Variants in TDRD9 observed in about 807,000 individuals in gnomAD.
TDRD9 encodes ATP-dependent RNA helicase TDRD9.
Under a neutral mutation model 172.6 loss-of-function variants are expected in TDRD9, and 124 were observed. That is an observed-to-expected ratio of 0.72 (90% CI 0.62 to 0.83). The LOEUF is 0.83. Among genes scored for constraint, TDRD9 ranks in the 40% least tolerant of loss-of-function variants. TDRD9 has a pLI of 0.00. For missense variants in TDRD9, 1,479 were observed against 1,714.1 expected (o/e 0.86, Z 2.42); for synonymous variants, 619 against 617.1 (o/e 1.00, Z -0.05).
intron 2 of TDRD9, among the ~76,000 whole-genome samples, chr14:103,957,906 A>G (rs1330031360): frequency 6.6e-6 from 1 of 152,214 alleles, no homozygotes; most frequent in African/African-American, 2.4e-5. Context: ...TTTTAAGTTC[A>G]TATGTGAAAC....
Position 104,024,658 on chromosome 14 carries a change from T to C in TDRD9, c.2696T>C (p.Leu899Pro). Residue 899 changes from leucine to proline, a missense_variant, in exon 25 of 36, where the codon CTT becomes CCT. Leu to Pro is a moderately conservative substitution (Grantham distance 98, BLOSUM62 -3). Around this residue, in one of 3 missense-constraint regions of TDRD9, gnomAD observed 1,413 missense variants for 1,649.1 expected, o/e 0.86. Coordinates refer to ENST00000409874, the MANE Select transcript of TDRD9 (RefSeq NM_153046.3). ...AGGTCCCAGACAGTTACAGATCTCC[T>C]TCTAACTATTGATGTCACAGAGGTA... Reference protein sequence around the residue: ...SDRSQTVTDLLLTIDVTEVVE... With the variant: ...SDRSQTVTDLPLTIDVTEVVE... 6.2e-7 allele frequency: 1 copy of C among 1,605,662 alleles called. No individual in the cohort carries two copies. The highest frequency in any genetic ancestry group is 8.5e-7 in the Non-Finnish European group (1 of 1,172,994).
chr14:103,990,707 T>C (rs552153708), intron 8 of TDRD9, among the ~76,000 whole-genome samples: 8 of 152,364 alleles, frequency 5.3e-5, no homozygotes, highest in Non-Finnish European at 8.8e-5. Flanking sequence ...CACAGGTTCA[T>C]GGAAGAATGA....
At chr14:104,005,781 T>C (rs2034418745) in intron 15 of TDRD9, among the ~76,000 whole-genome samples, 1 of 152,178 alleles carries the variant, frequency 6.6e-6, no homozygotes, top group African/African-American at 2.4e-5. Flanking sequence ...ACCTTCGAAG[T>C]TGAGGATGCT....
intron 9 of TDRD9, among the ~76,000 whole-genome samples, chr14:103,993,584 C>A (rs2033952339): frequency 6.6e-6 from 1 of 152,190 alleles, no homozygotes; most frequent in Non-Finnish European, 1.5e-5. Flanking sequence ...GAGCCTCTTC[C>A]TCTTTCCAGC....
At chr14:104,007,247 A>C (rs755018915) in intron 19 of TDRD9, 43 bp downstream of exon 19, 20 of 1,589,846 alleles carry the variant, frequency 1.3e-5, no homozygotes, top group Non-Finnish European at 1.6e-5. Flanking sequence ...GGCTGGGAGT[A>C]ATGAGAGAAG....
rs2032772780 is a variant in TDRD9, at chr14:103,966,851, T to C, written c.765+20T>C. On this transcript the variant is annotated intron_variant, in intron 5 of 35. Transcript: ENST00000409874. ...GATGAAGTAAGTGATGTCATCTACT[T>C]GTAAAGGTCATATTTATCTCTCTTA... is the stretch of plus-strand genomic sequence containing the variant. 4 of 1,545,494 alleles carry C rather than the reference T, an allele frequency of 2.6e-6. No individual in the cohort carries two copies. The South Asian group carries it at 4.8e-5, about 19-fold the overall frequency.
intron 34 of TDRD9, among the ~76,000 whole-genome samples, chr14:104,047,989 A>G: frequency 6.6e-6 from 1 of 152,186 alleles, no homozygotes; most frequent in East Asian, 1.9e-4. Context: ...AGCTGGCCAC[A>G]CACTCAGCCT....
intron 12 of TDRD9, among the ~76,000 whole-genome samples, chr14:103,996,941 G>A (rs950776725): frequency 1.3e-5 from 2 of 152,110 alleles, no homozygotes; most frequent in African/African-American, 4.8e-5. Context: ...TTTGGGGTAG[G>A]AGAAGGCAAG....
chr14:104,010,242 T>C (rs1205225250), intron 20 of TDRD9, among the ~76,000 whole-genome samples: 1 of 144,528 alleles, frequency 6.9e-6, no homozygotes, highest in African/African-American at 2.5e-5. Context: ...ACTGTGCCTG[T>C]CCTAATTTTT....
At chr14:103,936,812 C>A (rs2030795754) in intron 1 of TDRD9, among the ~76,000 whole-genome samples, 1 of 152,176 alleles carries the variant, frequency 6.6e-6, no homozygotes, top group East Asian at 1.9e-4. Flanking sequence ...TGAATGATGG[C>A]CTGGCATAGT....
In TDRD9 at chr14:104,052,341, C is replaced by A; in HGVS notation, c.*259C>A. 3.6e-6 allele frequency: 1 copy of A among 274,390 alleles called. No homozygotes were observed. The highest frequency in any genetic ancestry group is 7.0e-6 in the Non-Finnish European group (1 of 143,616). 17.0% of individuals were successfully genotyped at this position (274,390 alleles called of 1,614,324 possible). A position where few individuals can be genotyped will look rare whatever the true frequency, so the allele number is the denominator to read the frequency against. On this transcript the variant is annotated 3_prime_UTR_variant, in exon 36 of 36. Transcript: ENST00000409874. ...TATTAAATATTTTGGAAAGATTGTTCTGAAAGAAGTCTGTTTGGATAAAGA... is the reference window on the plus strand; with the variant it reads ...TATTAAATATTTTGGAAAGATTGTTATGAAAGAAGTCTGTTTGGATAAAGA...
chr14:103,989,208 T>C (rs753896254), intron 8 of TDRD9, among the ~76,000 whole-genome samples: 2 of 152,244 alleles, frequency 1.3e-5, no homozygotes, highest in Non-Finnish European at 2.9e-5. Context: ...TTGTTTCTTC[T>C]GAGAATTCAG....
At chr14:104,032,213 T>A in intron 30 of TDRD9, 126 bp downstream of exon 30, 2 of 596,428 alleles carry the variant, frequency 3.4e-6, no homozygotes, top group Non-Finnish European at 5.3e-6. Context: ...TTCTTTTCTT[T>A]TCTTTTTTTT....
intron 34 of TDRD9, among the ~76,000 whole-genome samples, chr14:104,048,234 T>C (rs2035837383): frequency 6.6e-6 from 1 of 152,190 alleles, no homozygotes; most frequent in Non-Finnish European, 1.5e-5. Flanking sequence ...TGTTTTGTTA[T>C]GTTTTTAATT....
intron 1 of TDRD9, among the ~76,000 whole-genome samples, chr14:103,952,729 C>CTTTTTTTTTTT (rs68192057): frequency 1.4e-5 from 1 of 72,316 alleles, no homozygotes; most frequent in Non-Finnish European, 2.3e-5. Context: ...AATTCTCTCT[C>CTTTTTTTTTTT]TTTTTTTTTT....
At chr14:104,043,479 C>T (rs1247318791) in intron 34 of TDRD9, among the ~76,000 whole-genome samples, 2 of 152,092 alleles carry the variant, frequency 1.3e-5, no homozygotes, top group Non-Finnish European at 2.9e-5. Context: ...GGCGATCCAC[C>T]CGCTTCAGCC....
chr14:103,929,279 A>AT (rs903721489), intron 1 of TDRD9, among the ~76,000 whole-genome samples: 10 of 151,846 alleles, frequency 6.6e-5, no homozygotes, highest in Admixed American at 2.0e-4. Context: ...GAAACCACTG[A>AT]TTTTTTTACT....
chr14:104,022,349 T>G lies in TDRD9; in HGVS notation c.2606+19T>G, dbSNP rs771674054. 16 of 1,605,994 alleles carry G rather than the reference T, an allele frequency of 1.0e-5. No homozygotes were observed. In the East Asian group the frequency reaches 3.4e-4, roughly 34 times the overall value. On this transcript the variant is annotated intron_variant, in intron 24 of 35. Coordinates refer to ENST00000409874, the MANE Select transcript of TDRD9 (RefSeq NM_153046.3). ...ACACAAGGTATTTTCGGGAGGGAGG[T>G]GGCAGACAGGCCGTGCCTGCTTTCA...
intron 1 of TDRD9, 200 bp downstream of exon 1, chr14:103,928,924 G>GTT (rs543255081): frequency 0.014 from 1,668 of 117,606 alleles, 17 homozygotes; most frequent in South Asian, 0.02. Context: ...TGAGCTAGAG[G>GTT]TTTTTTTTTT....
Sources: gnomAD v4.1 joint callset for allele counts (sites outside exome capture counted in the v4.1 genomes callset) on GRCh38, gnomAD v4.1.1 for gene constraint, gnomAD v4.1.1 regional missense constraint, MANE v1.5 for transcripts, NCBI Gene and HGNC (gene_info 2026-07-23, HGNC 2026-07-21) for gene names.